Variants in NFATC2 observed in about 807,000 individuals in gnomAD.
The protein encoded by NFATC2 is nuclear factor of activated T-cells, cytoplasmic 2.
A neutral mutation model predicts 87.3 loss-of-function variants in NFATC2; 22 were observed. The ratio of observed to expected loss-of-function variants is 0.25; its 90% CI spans 0.18 to 0.36. The LOEUF (loss-of-function observed/expected upper bound fraction) is 0.36. Among genes scored for constraint, NFATC2 ranks in the 10% least tolerant of loss-of-function variants. The probability of loss-of-function intolerance (pLI) is 1.00; values close to 1 mark genes in which losing one functional copy is unlikely to be tolerated. For synonymous variants in NFATC2, 565 were observed against 542.2 expected (o/e 1.04, Z -0.58); for missense variants, 1,149 against 1,259.1 (o/e 0.91, Z 1.32).
Position 51,542,430 on chromosome 20 carries a change from G to T in NFATC2, c.70C>A (p.Pro24Thr), listed in dbSNP as rs772976078. ...ATGGAGAAGTCAAGCTCGTCTTGGG[G>T]GCTGCCCCCAGGCTCGTGGCCTGGG... The part of the protein sequence containing the change: ...DAPGHEPGGS[P>T]QDELDFSILF... The change falls in exon 1 of 11, where the codon CCC (proline) becomes ACC (threonine). Residue 24 changes from proline (P) to threonine (T), a missense_variant. Transcript: ENST00000371564. 6.2e-7 allele frequency: 1 copy of T among 1,601,546 alleles called. No homozygotes were observed.
chr20:51,393,037 G>A (rs1478174636), intron 10 of NFATC2, among the ~76,000 whole-genome samples: 1 of 152,210 alleles, frequency 6.6e-6, no homozygotes, highest in African/African-American at 2.4e-5. Flanking sequence ...AGGTAACAGT[G>A]CCCAGCACAG....
chr20:51,408,671 G>T (rs1267440054), intron 9 of NFATC2, among the ~76,000 whole-genome samples: 1 of 152,100 alleles, frequency 6.6e-6, no homozygotes. Flanking sequence ...CCCTCATACT[G>T]GACATAAAAA....
chr20:51,506,576 G>A (rs1968733254), intron 3 of NFATC2, among the ~76,000 whole-genome samples: 2 of 151,414 alleles, frequency 1.3e-5, no homozygotes, highest in Admixed American at 6.6e-5. Flanking sequence ...AGGCCGTTAG[G>A]AGTCTCATTC....
At chr20:51,426,996 C>G (rs2146321315) in intron 9 of NFATC2, among the ~76,000 whole-genome samples, 1 of 152,310 alleles carries the variant, frequency 6.6e-6, no homozygotes, top group African/African-American at 2.4e-5. Context: ...CTCTCTCACA[C>G]ACACAAGCTG....
At chr20:51,424,535 A>G (rs1177499552) in intron 9 of NFATC2, among the ~76,000 whole-genome samples, 2 of 152,188 alleles carry the variant, frequency 1.3e-5, no homozygotes, top group African/African-American at 2.4e-5. Context: ...GGGCACCATT[A>G]TAAGTGACTT....
At chr20:51,442,720 T>C (rs1984527135) in intron 6 of NFATC2, among the ~76,000 whole-genome samples, 1 of 151,102 alleles carries the variant, frequency 6.6e-6, no homozygotes, top group Non-Finnish European at 1.5e-5. Flanking sequence ...TTTTTTTTTT[T>C]TCTTAAGAAA....
intron 3 of NFATC2, among the ~76,000 whole-genome samples, chr20:51,476,529 C>G (rs900304931): frequency 6.6e-6 from 1 of 152,152 alleles, no homozygotes; most frequent in Non-Finnish European, 1.5e-5. Context: ...CTTTCCCTAT[C>G]TCTCTCTCCT....
chr20:51,476,349 G>C (rs1222313441), intron 3 of NFATC2, among the ~76,000 whole-genome samples: 2 of 150,850 alleles, frequency 1.3e-5, no homozygotes, highest in Non-Finnish European at 2.9e-5. Flanking sequence ...CTTTAAAAAA[G>C]AGTGTGACAA....
At chr20:51,417,669 A>G (rs1463313456) in intron 9 of NFATC2, among the ~76,000 whole-genome samples, 1 of 152,230 alleles carries the variant, frequency 6.6e-6, no homozygotes, top group Non-Finnish European at 1.5e-5. Flanking sequence ...ACATTTGATG[A>G]ACAGCCTTCC....
intron 9 of NFATC2, among the ~76,000 whole-genome samples, chr20:51,399,427 G>C (rs140122063): frequency 0.012 from 1,775 of 152,308 alleles, 19 homozygotes; most frequent in Non-Finnish European, 0.018. Flanking sequence ...GCCTGATTTA[G>C]AAATGTTTTC....
At chr20:51,452,033 A>G (rs1428566274) in intron 6 of NFATC2, among the ~76,000 whole-genome samples, 1 of 152,206 alleles carries the variant, frequency 6.6e-6, no homozygotes, top group Non-Finnish European at 1.5e-5. Context: ...ACTGTCTTCC[A>G]TGCAACTGGT....
chr20:51,394,971 C>G lies in NFATC2; in HGVS notation c.*45-3520G>C, dbSNP rs114003476. 8.2e-3 allele frequency among the ~76,000 whole-genome samples: 1,254 copies of G among 152,332 alleles called. 16 individuals carry two copies. The highest frequency in any genetic ancestry group is 0.029 in the African/African-American group (1,214 of 41,570). The stretch of plus-strand genomic sequence containing the variant: ...CCACTCGTGCATGGCACCATGCACA[C>G]AGCAGGTGCTTAATGCCTGCATTAG... On this transcript the variant is annotated intron_variant, in intron 10 of 10. Transcript: ENST00000371564.
intron 3 of NFATC2, among the ~76,000 whole-genome samples, chr20:51,501,868 CCACA>C (rs2076094756): frequency 6.6e-6 from 1 of 152,198 alleles, no homozygotes; most frequent in Non-Finnish European, 1.5e-5. Flanking sequence ...GCTCTGCAGG[CCACA>C]CATACAGTCT....
chr20:51,561,869 C>A (rs538706243), intron 1 of NFATC2, among the ~76,000 whole-genome samples: 6 of 152,188 alleles, frequency 3.9e-5, no homozygotes, highest in East Asian at 1.9e-4. Context: ...TTATAGTTAA[C>A]CCCCTCCCAT....
intron 9 of NFATC2, among the ~76,000 whole-genome samples, chr20:51,411,631 G>A (rs1031582362): frequency 6.8e-6 from 1 of 146,610 alleles, no homozygotes; most frequent in African/African-American, 2.5e-5. Context: ...AGGTTCATGC[G>A]ATTCTCCTGC....
intron 3 of NFATC2, among the ~76,000 whole-genome samples, chr20:51,501,930 G>A (rs1026383459): frequency 6.6e-6 from 1 of 152,238 alleles, no homozygotes; most frequent in Non-Finnish European, 1.5e-5. Flanking sequence ...AGCAACCAGA[G>A]ACAATATGCA....
At chr20:51,421,931 A>G (rs1226869976) in intron 9 of NFATC2, among the ~76,000 whole-genome samples, 1 of 152,184 alleles carries the variant, frequency 6.6e-6, no homozygotes, top group African/African-American at 2.4e-5. Context: ...TGGGCATTTA[A>G]TAAAGCTGAG....
chr20:51,524,213 T>C lies in NFATC2; in HGVS notation c.131-103A>G. On this transcript the variant is annotated intron_variant, in intron 1 of 10. Transcript: ENST00000371564. The surrounding 1 kb of genome is among the most constrained non-coding windows in gnomAD (Gnocchi z 4.0). The stretch of plus-strand genomic sequence containing the variant: ...ATTTCGTCTCACGTCGTTTATTTTT[T>C]TCAAATTCCCACCATGCCAAACCCC... 8.8e-7 allele frequency: 1 copy of C among 1,135,358 alleles called. No homozygotes were observed. Among genetic ancestry groups the C allele is most frequent in the Non-Finnish European group, 1.2e-6 (1 of 867,440 alleles). 70.3% of individuals were successfully genotyped at this position (1,135,358 alleles called of 1,614,324 possible).
chr20:51,399,927 G>A (rs1446459273), intron 9 of NFATC2, among the ~76,000 whole-genome samples: 1 of 152,150 alleles, frequency 6.6e-6, no homozygotes, highest in Non-Finnish European at 1.5e-5. Context: ...ATTTCAGATT[G>A]CAATATCTAC....
Sources: allele counts gnomAD v4.1 joint callset (sites outside exome capture counted in the v4.1 genomes callset), GRCh38; gene constraint gnomAD v4.1.1; non-coding constraint Gnocchi (gnomAD v3.1); transcripts MANE v1.5; gene names NCBI Gene and HGNC (gene_info 2026-07-23, HGNC 2026-07-21).